PLGRKT: variants seen among roughly 807,000 people sequenced by gnomAD.
PLGRKT encodes the protein plasminogen receptor (KT).
Under a neutral mutation model 18.5 loss-of-function variants are expected in PLGRKT, and 22 were observed. The ratio of observed to expected loss-of-function variants is 1.19; its 90% CI spans 0.85 to 1.70. PLGRKT has a LOEUF of 1.70. Ranked by LOEUF, PLGRKT falls within the 40% of genes most tolerant of loss-of-function variation. The probability of loss-of-function intolerance (pLI) is 0.00; values close to 1 mark genes in which losing one functional copy is unlikely to be tolerated. For missense variants in PLGRKT, 235 were observed against 174.4 expected (o/e 1.35, Z -1.96); for synonymous variants, 72 against 52.8 (o/e 1.36, Z -1.58).
intron 3 of PLGRKT, among the ~76,000 whole-genome samples, chr9:5,429,355 G>A (rs927580799): frequency 6.6e-6 from 1 of 152,150 alleles, no homozygotes; most frequent in African/African-American, 2.4e-5. Context: ...CTTGGCACAG[G>A]CACCAAATAC....
intron 2 of PLGRKT, among the ~76,000 whole-genome samples, chr9:5,434,392 G>T (rs903975924): frequency 7.0e-6 from 1 of 143,164 alleles, no homozygotes; most frequent in African/African-American, 2.7e-5. Context: ...GGTGAGGGGC[G>T]TCTCTGCCTG....
In PLGRKT at chr9:5,403,224, C is replaced by CTT. The variant is rs34557029; in HGVS notation, c.81+28671_81+28672dup. ...TGAGGTTGCTAAATGATTCTTTTTT[C>CTT]TTTTTTTTTTTTTTTTGAGATGGAG... On this transcript the variant is annotated intron_variant, in intron 3 of 5. Transcript: ENST00000223864. Among the ~76,000 whole-genome samples the CTT allele has an allele frequency of 7.1e-3, 960 of 135,126 alleles. 11 individuals carry two copies. The highest frequency in any genetic ancestry group is 0.011 in the East Asian group (53 of 4,732). 88.6% of individuals were successfully genotyped at this position (135,126 alleles called of 152,430 possible). A position where few individuals can be genotyped will look rare whatever the true frequency, so the allele number is the denominator to read the frequency against.
At chr9:5,407,681 T>C (rs1017925300) in intron 3 of PLGRKT, among the ~76,000 whole-genome samples, 1 of 152,062 alleles carries the variant, frequency 6.6e-6, no homozygotes, top group Non-Finnish European at 1.5e-5. Flanking sequence ...AAGCATTGCT[T>C]TGCAAATCCA....
chr9:5,431,510 G>C (rs1047981679), intron 3 of PLGRKT, among the ~76,000 whole-genome samples: 3 of 147,378 alleles, frequency 2.0e-5, no homozygotes, highest in African/African-American at 7.6e-5. Flanking sequence ...CTCCAGGCTG[G>C]GCAACACAGT....
At chr9:5,407,134 C>A (rs866181930) in intron 3 of PLGRKT, among the ~76,000 whole-genome samples, 3 of 151,990 alleles carry the variant, frequency 2.0e-5, no homozygotes, top group Non-Finnish European at 4.4e-5. Flanking sequence ...TAATTTTATT[C>A]TATAATTTGG....
chr9:5,428,464 G>A (rs1818744527), intron 3 of PLGRKT, among the ~76,000 whole-genome samples: 1 of 152,190 alleles, frequency 6.6e-6, no homozygotes. Flanking sequence ...AAGACTGCAA[G>A]GCCATGCAGT....
rs553631023 is a variant in PLGRKT at position 5,432,108 on chromosome 9, A to G, written c.-6-125T>C. The G allele has an allele frequency of 3.4e-5, 20 of 589,302 alleles. No homozygotes were observed. The South Asian group carries it at 3.8e-4, about 11-fold the overall frequency. 36.5% of individuals were successfully genotyped at this position (589,302 alleles called of 1,614,324 possible). On this transcript the variant is annotated intron_variant, in intron 2 of 5. Transcript: ENST00000223864. ...AAAAAGTAAAATTTCTGATCTAGGA[A>G]CACAGTGTGGATTCTAGTTCTTGCT... is the stretch of plus-strand genomic sequence containing the variant.
intron 2 of PLGRKT, among the ~76,000 whole-genome samples, chr9:5,433,611 C>G (rs1818883721): frequency 6.9e-6 from 1 of 145,596 alleles, no homozygotes; most frequent in African/African-American, 2.6e-5. Context: ...GCCTGAGCGC[C>G]CATCGTCTGG....
At chr9:5,362,681 G>A (rs1234115104) in intron 3 of PLGRKT, among the ~76,000 whole-genome samples, 2 of 152,144 alleles carry the variant, frequency 1.3e-5, no homozygotes, top group African/African-American at 4.8e-5. Flanking sequence ...CATGATGCAA[G>A]GAAGAGGAGA....
In PLGRKT at chr9:5,400,706, A is replaced by C. The variant is rs1251466431; in HGVS notation, c.81+31191T>G. ...TCTTTTCATCTTTATATCCTCCTTG[A>C]ATAGTACAGAGGCTGGCATATTGTT... is the stretch of plus-strand genomic sequence containing the variant. On this transcript the variant is annotated intron_variant, in intron 3 of 5. Coordinates refer to ENST00000223864, the MANE Select transcript of PLGRKT (RefSeq NM_018465.4). Among the ~76,000 whole-genome samples the C allele has an allele frequency of 2.0e-5, 3 of 152,124 alleles. No homozygotes were observed. The East Asian group carries it at 5.8e-4, about 29-fold the overall frequency.
At chr9:5,398,044 C>G (rs1275021440) in intron 3 of PLGRKT, among the ~76,000 whole-genome samples, 1 of 151,924 alleles carries the variant, frequency 6.6e-6, no homozygotes, top group African/African-American at 2.4e-5. Context: ...AAAGCCTGAA[C>G]CACACTGAGG....
At chr9:5,436,377 C>A (rs138417903) in intron 2 of PLGRKT, among the ~76,000 whole-genome samples, 192 bp downstream of exon 2, 7 of 152,292 alleles carry the variant, frequency 4.6e-5, no homozygotes, top group African/African-American at 1.7e-4. Flanking sequence ...ATTTTTACAC[C>A]TGCTGCAAAC....
chr9:5,373,267 C>T (rs780448122), intron 3 of PLGRKT, among the ~76,000 whole-genome samples: 2 of 152,110 alleles, frequency 1.3e-5, no homozygotes, highest in South Asian at 2.1e-4. Context: ...GTAATTTTAG[C>T]GACTACCACT....
intron 3 of PLGRKT, among the ~76,000 whole-genome samples, chr9:5,428,557 C>A (rs549293199): frequency 6.6e-6 from 1 of 152,212 alleles, no homozygotes; most frequent in African/African-American, 2.4e-5. Flanking sequence ...GGAAGCAGCA[C>A]CCATTCTGGG....
In PLGRKT at chr9:5,434,731, G is replaced by A. The variant is rs185007222; in HGVS notation, c.-7+1838C>T. On this transcript the variant is annotated intron_variant, in intron 2 of 5. Coordinates refer to ENST00000223864, the MANE Select transcript of PLGRKT (RefSeq NM_018465.4). ...CTGGCCGCTCCGTCTGGGAAGTGAGGAGCGCCTCTGCCCGGCCGCCCTGTC... is the reference window on the plus strand; with the variant it reads ...CTGGCCGCTCCGTCTGGGAAGTGAGAAGCGCCTCTGCCCGGCCGCCCTGTC... Among the ~76,000 whole-genome samples, 225 of 151,682 alleles carry A rather than the reference G, an allele frequency of 1.5e-3. 1 individual carries two copies. Among genetic ancestry groups the A allele is most frequent in the African/African-American group, 5.3e-3 (219 of 41,350 alleles).
chr9:5,424,691 T>TATATATATATATATATATACACAC (rs201541927), intron 3 of PLGRKT, among the ~76,000 whole-genome samples: 7 of 70,494 alleles, frequency 9.9e-5, no homozygotes, highest in African/African-American at 4.3e-4. Flanking sequence ...TATATATATA[T>TATATATATATATATATATACACAC]ACACACAGGG....
At chr9:5,429,987 T>C (rs1016866760) in intron 3 of PLGRKT, among the ~76,000 whole-genome samples, 1 of 152,088 alleles carries the variant, frequency 6.6e-6, no homozygotes, top group South Asian at 2.1e-4. Context: ...CCCTTGCTCA[T>C]GGCCCACTGT....
rs984307641 is a variant in PLGRKT, at chr9:5,380,226, G to A, written c.82-18338C>T. ...AAAAATACAAAAAAATTAGCCAGGC[G>A]TGGTGGTGGGCACCTGTAGTCCCAG... is the stretch of plus-strand genomic sequence containing the variant. On this transcript the variant is annotated intron_variant, in intron 3 of 5. Transcript: ENST00000223864. Among the ~76,000 whole-genome samples, 4 of 152,048 alleles carry A rather than the reference G, an allele frequency of 2.6e-5. No individual in the cohort carries two copies. In the East Asian group the frequency reaches 5.8e-4, roughly 22 times the overall value.
intron 3 of PLGRKT, among the ~76,000 whole-genome samples, chr9:5,372,764 T>A (rs1035534158): frequency 5.3e-5 from 8 of 152,134 alleles, no homozygotes; most frequent in Admixed American, 6.5e-5. Flanking sequence ...AAAACCCAGG[T>A]GCGAGGGAGT....
Sources: gnomAD v4.1 joint callset for allele counts (sites outside exome capture counted in the v4.1 genomes callset) on GRCh38, gnomAD v4.1.1 for gene constraint, MANE v1.5 for transcripts, NCBI Gene and HGNC (gene_info 2026-07-23, HGNC 2026-07-21) for gene names.